The following TICRR variants were observed in gnomAD, a reference collection of about 807,000 sequenced individuals.
TICRR encodes the protein TOPBP1 interacting checkpoint and replication regulator.
TICRR carries 132 observed loss-of-function variants against 178.1 expected under a neutral mutation model. The ratio of observed to expected loss-of-function variants is 0.74; its 90% confidence interval spans 0.64 to 0.86. The LOEUF is 0.86. Ranked by LOEUF, TICRR falls within the 40% of genes least tolerant of loss-of-function variation. TICRR has a pLI of 0.00. For synonymous variants in TICRR, 991 were observed against 900.7 expected (o/e 1.10, Z -1.79); for missense variants, 2,587 against 2,334.3 (o/e 1.11, Z -2.23).
At chr15:89,576,319 C>T in intron 1 of TICRR, 79 bp downstream of exon 1, 1 of 1,311,958 alleles carries the variant, frequency 7.6e-7, no homozygotes, top group Non-Finnish European at 1.0e-6. Flanking sequence ...GTCCTTAGAA[C>T]AGCCACAGAC....
intron 15 of TICRR, 69 bp from the exon 16 acceptor site, chr15:89,616,336 C>G: frequency 7.3e-7 from 1 of 1,363,342 alleles, no homozygotes. Flanking sequence ...AAACTGCTCC[C>G]TTGGCCTTAC....
intron 7 of TICRR, 22 bp downstream of exon 7, chr15:89,595,633 T>A (rs1221257113): frequency 1.3e-6 from 2 of 1,585,024 alleles, no homozygotes; most frequent in Non-Finnish European, 1.7e-6. Flanking sequence ...AGTCTATAAT[T>A]TACTCTTTTA....
At chr15:89,607,056 ACAT>A (rs774913215) in intron 14 of TICRR, among the ~76,000 whole-genome samples, 4 of 152,178 alleles carry the variant, frequency 2.6e-5, no homozygotes, top group Non-Finnish European at 5.9e-5. Context: ...ATTAAAAAAA[ACAT>A]CATGAAAGCT....
chr15:89,587,021 A>G (rs968513555), intron 4 of TICRR, among the ~76,000 whole-genome samples: 1 of 152,366 alleles, frequency 6.6e-6, no homozygotes, highest in Non-Finnish European at 1.5e-5. Context: ...AGTCAGACAT[A>G]TTACAATAAT....
chr15:89,608,467 A>C (rs896733593), intron 14 of TICRR, among the ~76,000 whole-genome samples: 1 of 152,244 alleles, frequency 6.6e-6, no homozygotes, highest in Non-Finnish European at 1.5e-5. Flanking sequence ...ATTATGGTCA[A>C]CTGATATTCA....
chr15:89,584,164 CA>C (rs1962778132), intron 2 of TICRR, 121 bp from the exon 3 acceptor site: 2 of 1,015,458 alleles, frequency 2.0e-6, no homozygotes, highest in Non-Finnish European at 2.8e-6. Flanking sequence ...TCTCAATTGA[CA>C]ACTTGATTAT....
At chr15:89,615,975 C>G (rs1187675386) in intron 15 of TICRR, among the ~76,000 whole-genome samples, 2 of 151,736 alleles carry the variant, frequency 1.3e-5, no homozygotes, top group Non-Finnish European at 2.9e-5. Flanking sequence ...ACCTCTGCCT[C>G]CTGGGTTCAA....
At chr15:89,623,578 T>C in intron 19 of TICRR, 45 bp from the exon 20 acceptor site, 1 of 1,542,966 alleles carries the variant, frequency 6.5e-7, no homozygotes, top group East Asian at 2.3e-5. Context: ...TCAGAGATCA[T>C]GAGTTATAAT....
Position 89,608,840 on chromosome 15 carries a change from A to G in TICRR, c.2760A>G (p.Glu920=). 2 of 1,604,266 alleles carry G rather than the reference A, an allele frequency of 1.2e-6. No individual in the cohort carries two copies. The highest frequency in any genetic ancestry group is 1.7e-6 in the Non-Finnish European group (2 of 1,176,552). ...TKVRRNLFNQ[E]LLSPSKRSLK... ...TTCGAAGAAATCTTTTCAACCAGGAATTGCTTTCCCCTTCAAAGAGATCAC... is the reference window on the plus strand; with the variant it reads ...TTCGAAGAAATCTTTTCAACCAGGAGTTGCTTTCCCCTTCAAAGAGATCAC... The change falls in exon 15 of 22, where the codon GAA becomes GAG. Residue 920 remains glutamate (E), a synonymous_variant. Transcript: ENST00000268138.
chr15:89,578,771 T>C (rs1422929441), intron 1 of TICRR, among the ~76,000 whole-genome samples: 2 of 152,136 alleles, frequency 1.3e-5, no homozygotes, highest in Non-Finnish European at 2.9e-5. Flanking sequence ...GAGGCTTCCC[T>C]TCTTACATCG....
Position 89,619,846 on chromosome 15 carries a change from A to G in TICRR, c.3154+4A>G. The G allele has an allele frequency of 6.2e-7, 1 of 1,606,800 alleles. No individual in the cohort carries two copies. Among genetic ancestry groups the G allele is most frequent in the Non-Finnish European group, 8.5e-7 (1 of 1,177,826 alleles). On this transcript the variant is annotated splice_donor_region_variant and intron_variant, in intron 18 of 21. Transcript: ENST00000268138. ...TCTTTCCAGCAAGATAAGTCAGGTA[A>G]CATACGGGCCCCTCTGCCTTCACAA...
intron 14 of TICRR, among the ~76,000 whole-genome samples, chr15:89,607,057 C>A (rs1364438645): frequency 1.3e-5 from 2 of 151,410 alleles, no homozygotes; most frequent in Non-Finnish European, 1.5e-5. Flanking sequence ...TTAAAAAAAA[C>A]ATCATGAAAG....
chr15:89,596,814 T>G (rs187417842), intron 7 of TICRR, among the ~76,000 whole-genome samples: 1 of 152,336 alleles, frequency 6.6e-6, no homozygotes, highest in African/African-American at 2.4e-5. Flanking sequence ...AGTTTTTAAT[T>G]TGTCTGCTTT....
intron 21 of TICRR, among the ~76,000 whole-genome samples, chr15:89,626,691 T>A (rs560806685): frequency 6.6e-6 from 1 of 152,206 alleles, no homozygotes; most frequent in African/African-American, 2.4e-5. Flanking sequence ...CTAGAAAGAA[T>A]ACAGGATATT....
rs779146878 is a variant in TICRR at position 89,585,737 on chromosome 15, G to GC, written c.1212dup (p.Ile405HisfsTer24). The GC allele has an allele frequency of 1.2e-6, 2 of 1,614,024 alleles. No homozygotes were observed. On this transcript the variant is annotated frameshift_variant, in exon 4 of 22. Transcript: ENST00000268138. LOFTEE classifies it high-confidence loss of function. ...CTGATGTGGACCCTGGTGAAGGCCG[G>GC]CCCCCCATCACTGGAGTTATTTCCC...
intron 4 of TICRR, among the ~76,000 whole-genome samples, chr15:89,589,005 T>C (rs933738658): frequency 6.6e-6 from 1 of 151,908 alleles, no homozygotes; most frequent in Non-Finnish European, 1.5e-5. Context: ...AACAGCAAGC[T>C]CTCTCCAGCG....
rs1410804226 is a variant in TICRR at position 89,627,068 on chromosome 15, C to G, written c.5715C>G (p.Thr1905=). The G allele has an allele frequency of 2.5e-6, 4 of 1,614,108 alleles. No individual in the cohort carries two copies. Among genetic ancestry groups the G allele is most frequent in the Non-Finnish European group, 3.4e-6 (4 of 1,180,052 alleles). ...ATACACGGAAGAAGCTCATGGGAAC[C>G]TGGCTGGAGGACTTATAGCCACAAA... ...RTYTRKKLMG[T]WLEDL Residue 1905 remains threonine, a synonymous_variant, in exon 22 of 22, where the codon ACC becomes ACG. Transcript: ENST00000268138.
intron 12 of TICRR, 95 bp downstream of exon 12, chr15:89,602,071 A>G: frequency 6.7e-7 from 1 of 1,488,292 alleles, no homozygotes; most frequent in Non-Finnish European, 9.0e-7. Context: ...TGTCCATATA[A>G]TTTGTTGAAC....
At chr15:89,598,317 A>G (rs1336205699) in intron 7 of TICRR, among the ~76,000 whole-genome samples, 8 of 151,894 alleles carry the variant, frequency 5.3e-5, no homozygotes, top group Non-Finnish European at 1.0e-4. Context: ...TTTTCTAATC[A>G]TGTCATATCA....
Sources: allele counts gnomAD v4.1 joint callset (sites outside exome capture counted in the v4.1 genomes callset), GRCh38; gene constraint gnomAD v4.1.1; transcripts MANE v1.5; gene names NCBI Gene and HGNC (gene_info 2026-07-23, HGNC 2026-07-21).